The following SLCO2B1 variants were observed in gnomAD, a reference collection of about 807,000 sequenced individuals.
SLCO2B1 encodes the protein solute carrier organic anion transporter family member 2B1.
Under a neutral mutation model 67.3 loss-of-function variants are expected in SLCO2B1, and 41 were observed. That is an observed-to-expected ratio of 0.61 (90% CI 0.47 to 0.79). The LOEUF (loss-of-function observed/expected upper bound fraction) is 0.79, where lower values mean the gene tolerates loss of function less well. Among genes scored for constraint, SLCO2B1 ranks in the 30% least tolerant of loss-of-function variants. SLCO2B1 has a pLI of 0.00. For missense variants in SLCO2B1, 837 were observed against 920.1 expected (o/e 0.91, Z 1.17); for synonymous variants, 379 against 381.4 (o/e 0.99, Z 0.07).
At chr11:75,184,421 G>A (rs925494684) in intron 7 of SLCO2B1, among the ~76,000 whole-genome samples, 3 of 152,190 alleles carry the variant, frequency 2.0e-5, no homozygotes, top group African/African-American at 7.2e-5. Context: ...TTTCTACTCT[G>A]AATGCCTATC....
At chr11:75,173,571 C>G (rs1000614884) in intron 7 of SLCO2B1, among the ~76,000 whole-genome samples, 7 of 152,094 alleles carry the variant, frequency 4.6e-5, no homozygotes, top group African/African-American at 1.7e-4. Context: ...CTCCTCTGCT[C>G]TTGGGGCAGG....
At chr11:75,168,814 C>T (rs1212311213) in intron 4 of SLCO2B1, among the ~76,000 whole-genome samples, 1 of 152,262 alleles carries the variant, frequency 6.6e-6, no homozygotes. Flanking sequence ...TGTGTTTATT[C>T]TTCCGGACCC....
intron 2 of SLCO2B1, among the ~76,000 whole-genome samples, chr11:75,163,257 G>C (rs1418007635): frequency 6.6e-6 from 1 of 152,196 alleles, no homozygotes; most frequent in Non-Finnish European, 1.5e-5. Context: ...TCATTGTACA[G>C]ATGAGGAAAC....
chr11:75,193,422 T>G lies in SLCO2B1; in HGVS notation c.1280T>G (p.Val427Gly). 1 of 1,614,096 alleles carries G rather than the reference T, an allele frequency of 6.2e-7. No homozygotes were observed. The highest frequency in any genetic ancestry group is 8.5e-7 in the Non-Finnish European group (1 of 1,179,984). ...CCTTCGGTCATCGTGGGCATCGTGG[T>G]GGGTGGCGTCCTGGTCAAGCGGCTC... ...SFPSVIVGIV[V>G]GGVLVKRLHL... The change falls in exon 9 of 14, where the codon GTG becomes GGG. Residue 427 changes from valine to glycine, a missense_variant. Transcript: ENST00000289575. This position sits in a 1 kb window ranked among gnomAD's most constrained non-coding sequence, Gnocchi z 4.2.
intron 13 of SLCO2B1, 79 bp downstream of exon 13, chr11:75,203,506 G>A (rs1945219569): frequency 6.4e-7 from 1 of 1,573,994 alleles, no homozygotes. Flanking sequence ...AGCAGGGAGG[G>A]GAGGTTTCAT....
intron 1 of SLCO2B1, among the ~76,000 whole-genome samples, chr11:75,156,843 C>T (rs1389085913): frequency 6.6e-6 from 1 of 152,200 alleles, no homozygotes; most frequent in Non-Finnish European, 1.5e-5. Context: ...CTGACATTGC[C>T]ATGGCATTTG....
In SLCO2B1 at chr11:75,203,390, G is replaced by C. The variant is rs762532018; in HGVS notation, c.1912G>C (p.Val638Leu). ...HWALSCGRRAVCRYYNNDLLR... is the reference protein window; with the variant it reads ...HWALSCGRRALCRYYNNDLLR... Reference sequence around the variant, plus strand: ...GGCCCTGAGCTGTGGGCGTCGAGCTGTCTGTCGCTACTACAATAATGACCT... The same window carrying C: ...GGCCCTGAGCTGTGGGCGTCGAGCTCTCTGTCGCTACTACAATAATGACCT... Residue 638 changes from valine to leucine, a missense_variant, in exon 13 of 14, where the codon GTC becomes CTC. By Grantham distance (32) the Val-to-Leu change is conservative. Coordinates refer to ENST00000289575, the MANE Select transcript of SLCO2B1 (RefSeq NM_007256.5). 3.1e-6 allele frequency: 5 copies of C among 1,614,176 alleles called. No individual in the cohort carries two copies. In the South Asian group the frequency reaches 5.5e-5, roughly 18 times the overall value.
At chr11:75,181,453 C>G (rs1039773572) in intron 7 of SLCO2B1, among the ~76,000 whole-genome samples, 1 of 151,910 alleles carries the variant, frequency 6.6e-6, no homozygotes, top group African/African-American at 2.4e-5. Context: ...GAAAAACACT[C>G]TCTTTCATGG....
chr11:75,194,198 C>G (rs1482580829), intron 9 of SLCO2B1, among the ~76,000 whole-genome samples: 2 of 152,212 alleles, frequency 1.3e-5, no homozygotes, highest in African/African-American at 2.4e-5. Context: ...CTGCCTCTGC[C>G]CTCCGGGAGG....
At chr11:75,198,709 G>A (rs915165121) in intron 10 of SLCO2B1, among the ~76,000 whole-genome samples, 3 of 152,334 alleles carry the variant, frequency 2.0e-5, no homozygotes, top group East Asian at 1.9e-4. Context: ...GCCTGGAATC[G>A]TGTCTTGACA....
At chr11:75,184,966 A>G (rs1258346742) in intron 7 of SLCO2B1, among the ~76,000 whole-genome samples, 1 of 152,202 alleles carries the variant, frequency 6.6e-6, no homozygotes, top group Non-Finnish European at 1.5e-5. Flanking sequence ...CTGCCATGCC[A>G]CAAACATCCC....
At chr11:75,159,017 GTC>G (rs1274759622) in intron 1 of SLCO2B1, among the ~76,000 whole-genome samples, 2 of 152,260 alleles carry the variant, frequency 1.3e-5, no homozygotes, top group African/African-American at 4.8e-5. Context: ...TGAAGGGTGA[GTC>G]TCTGACTGAC....
At chr11:75,171,645 G>A (rs190322053) in intron 6 of SLCO2B1, among the ~76,000 whole-genome samples, 15 of 152,240 alleles carry the variant, frequency 9.9e-5, no homozygotes, top group African/African-American at 1.9e-4. Context: ...GAAGTATGAC[G>A]GGAGCTTTGT....
chr11:75,159,743 C>T (rs1949792183), intron 1 of SLCO2B1: 1 of 650,130 alleles, frequency 1.5e-6, no homozygotes, highest in African/African-American at 1.9e-5. Context: ...CTTCCCTCCC[C>T]TGCCCAGAGG....
At chr11:75,163,395 G>A (rs1949847038) in intron 2 of SLCO2B1, among the ~76,000 whole-genome samples, 1 of 152,174 alleles carries the variant, frequency 6.6e-6, no homozygotes, top group East Asian at 1.9e-4. Flanking sequence ...AGGTTGCGAT[G>A]TTTGGGGTGG....
At chr11:75,153,685 A>G (rs1312617368) in intron 1 of SLCO2B1, among the ~76,000 whole-genome samples, 1 of 152,210 alleles carries the variant, frequency 6.6e-6, no homozygotes, top group Non-Finnish European at 1.5e-5. Flanking sequence ...GGAGCTAGTG[A>G]GCTGCCCAGT....
intron 7 of SLCO2B1, among the ~76,000 whole-genome samples, chr11:75,182,351 C>A (rs1190431064): frequency 6.6e-6 from 1 of 152,190 alleles, no homozygotes; most frequent in Admixed American, 6.5e-5. Flanking sequence ...TGACACTCCC[C>A]CTTTTGGGGC....
intron 10 of SLCO2B1, chr11:75,199,640 T>C (rs1422090718): frequency 6.6e-6 from 1 of 152,404 alleles, no homozygotes; most frequent in Non-Finnish European, 1.5e-5. Context: ...TTGATGGGAC[T>C]AATCCCTGCA....
intron 7 of SLCO2B1, among the ~76,000 whole-genome samples, chr11:75,183,685 C>T (rs939478718): frequency 1.2e-4 from 18 of 152,064 alleles, no homozygotes; most frequent in Non-Finnish European, 2.1e-4. Context: ...TCACCATGCC[C>T]AGCTAATTTT....
Sources: gnomAD v4.1 joint callset for allele counts (sites outside exome capture counted in the v4.1 genomes callset) on GRCh38, gnomAD v4.1.1 for gene constraint, Gnocchi (gnomAD v3.1) non-coding constraint, MANE v1.5 for transcripts, NCBI Gene and HGNC (gene_info 2026-07-23, HGNC 2026-07-21) for gene names.